Variants in ITGAM observed in about 807,000 individuals in gnomAD.
ITGAM encodes integrin alpha-M.
In ITGAM, 79 loss-of-function variants were observed where a neutral mutation model predicts 137.5. That is an observed-to-expected ratio of 0.57 (90% CI 0.48 to 0.69). ITGAM has a LOEUF of 0.69. ITGAM is among the 30% of genes least tolerant of loss of function. ITGAM has a pLI of 0.00. For missense variants in ITGAM, 1,343 were observed against 1,483.5 expected, an observed-to-expected ratio of 0.91 and a Z score of 1.56; for synonymous variants, 583 against 592.3, an observed-to-expected ratio of 0.98 and a Z score of 0.23.
chr16:31,262,354 T>TAG (rs2079712586), intron 2 of ITGAM, among the ~76,000 whole-genome samples: 1 of 113,396 alleles, frequency 8.8e-6, no homozygotes, highest in Non-Finnish European at 1.9e-5. Context: ...CTTCCTTCCT[T>TAG]CCTTCCTTCC....
intron 2 of ITGAM, among the ~76,000 whole-genome samples, chr16:31,264,912 G>A (rs1195745893): frequency 6.6e-6 from 1 of 152,060 alleles, no homozygotes; most frequent in Non-Finnish European, 1.5e-5. Context: ...CTGTCTCTCA[G>A]GCTGGAGTGC....
At position 31,330,152 on chromosome 16, in the gene ITGAM, G is replaced by T; in HGVS notation, c.3048G>T (p.Lys1016Asn). Reference protein sequence around the residue: ...SHSDFLAELRKAPVVNCSIAV... With the variant: ...SHSDFLAELRNAPVVNCSIAV... ...CCGACTTTCTGGCTGAGCTTCGGAA[G>T]GCCCCCGTGGTGGTGAGAAGCTAAG... The change falls in exon 26 of 30, where the codon AAG becomes AAT. Residue 1016 changes from lysine (K) to asparagine (N), a missense_variant. Physicochemically the swap from Lys to Asn is moderately conservative, Grantham distance 94 (BLOSUM62 0). Coordinates refer to ENST00000544665, the MANE Select transcript of ITGAM (RefSeq NM_000632.4). 6.2e-7 allele frequency: 1 copy of T among 1,613,432 alleles called. No individual in the cohort carries two copies. The highest frequency in any genetic ancestry group is 8.5e-7 in the Non-Finnish European group (1 of 1,179,664).
rs372647488 is a variant in ITGAM, at chr16:31,331,995, A to G, written c.*288A>G. 8.8e-5 allele frequency: 41 copies of G among 463,932 alleles called. No individual in the cohort carries two copies. Among genetic ancestry groups the G allele is most frequent in the East Asian group, 4.7e-4 (12 of 25,750 alleles). 28.7% of individuals were successfully genotyped at this position (463,932 alleles called of 1,614,324 possible). ...TGTGTGCGTGTGTCCATGTGTGTGC[A>G]AGTGTGTGCATGTGTGCGAGTGTGT... is the stretch of plus-strand genomic sequence containing the variant. On this transcript the variant is annotated 3_prime_UTR_variant, in exon 30 of 30. Coordinates refer to ENST00000544665, the MANE Select transcript of ITGAM (RefSeq NM_000632.4).
At chr16:31,328,588 CAT>C (rs1491554111) in intron 23 of ITGAM, among the ~76,000 whole-genome samples, 1 of 141,242 alleles carries the variant, frequency 7.1e-6, no homozygotes, top group Non-Finnish European at 1.5e-5. Context: ...TGTATTTGTG[CAT>C]GTGTGTGTGA....
chr16:31,302,918 C>CTCTTTCTTTCTTTCTTTCTTTCTTTCTT, intron 14 of ITGAM, among the ~76,000 whole-genome samples: 1 of 73,020 alleles, frequency 1.4e-5, no homozygotes, highest in Admixed American at 1.5e-4. Flanking sequence ...CTTTCCCTCC[C>CTCTTTCTTTCTTTCTTTCTTTCTTTCTT]TCTTTCTTTC....
intron 12 of ITGAM, 43 bp from the exon 13 acceptor site, chr16:31,297,471 T>C: frequency 6.2e-7 from 1 of 1,609,638 alleles, no homozygotes. Flanking sequence ...CACATCTGCT[T>C]TAGGTGGGAA....
At position 31,272,005 on chromosome 16, in the gene ITGAM, T is replaced by C. The variant is rs769320384; in HGVS notation, c.704+13T>C. On this transcript the variant is annotated intron_variant, in intron 7 of 29. Coordinates refer to ENST00000544665, the MANE Select transcript of ITGAM (RefSeq NM_000632.4). ...TCCGCAAAGTGGTGTAAGCTTCCCC[T>C]TTTCCCTTAGGATGGAGGGAGGAGG... 2 of 1,613,280 alleles carry C rather than the reference T, an allele frequency of 1.2e-6. No individual in the cohort carries two copies. Among genetic ancestry groups the C allele is most frequent in the South Asian group, 2.2e-5 (2 of 90,990 alleles).
At chr16:31,278,762 A>T (rs2079936956) in intron 12 of ITGAM, among the ~76,000 whole-genome samples, 3 of 152,136 alleles carry the variant, frequency 2.0e-5, no homozygotes, top group Admixed American at 1.3e-4. Flanking sequence ...TTATACTTTA[A>T]GTTCTAGGGT....
At chr16:31,285,572 G>T (rs994277658) in intron 12 of ITGAM, among the ~76,000 whole-genome samples, 1 of 152,182 alleles carries the variant, frequency 6.6e-6, no homozygotes, top group East Asian at 1.9e-4. Flanking sequence ...GGGAGGCAGA[G>T]GTTGCAGTGA....
chr16:31,304,027 A>AAT (rs2080241519), intron 14 of ITGAM, among the ~76,000 whole-genome samples: 1 of 152,084 alleles, frequency 6.6e-6, no homozygotes, highest in Admixed American at 6.6e-5. Flanking sequence ...TTAGTTATTT[A>AAT]AGGAATCTCC....
intron 5 of ITGAM, among the ~76,000 whole-genome samples, chr16:31,270,363 A>G (rs2079819330): frequency 6.6e-6 from 1 of 151,508 alleles, no homozygotes; most frequent in Admixed American, 6.6e-5. Context: ...CAGCCTCCCA[A>G]AGTGCTGGGA....
chr16:31,265,908 T>A (rs755601933), intron 4 of ITGAM, 27 bp downstream of exon 4: 52 of 1,611,304 alleles, frequency 3.2e-5, no homozygotes, highest in Non-Finnish European at 4.2e-5. Flanking sequence ...CAGAGGAGCA[T>A]CCTAATGGGG....
In ITGAM at chr16:31,324,430, G is replaced by T; in HGVS notation, c.2034G>T (p.Leu678=). The T allele has an allele frequency of 6.4e-7, 1 of 1,553,386 alleles. No homozygotes were observed. Among genetic ancestry groups the T allele is most frequent in the African/African-American group, 1.4e-5 (1 of 73,266 alleles). ...TCCAGAGTGTTGTGACTTATGACCT[G>T]GCTCTGGACTCCGGCCGCCCACATT... ...GQIQSVVTYD[L]ALDSGRPHSR... Residue 678 remains leucine (L), a synonymous_variant, in exon 17 of 30, where the codon CTG becomes CTT. Coordinates refer to ENST00000544665, the MANE Select transcript of ITGAM (RefSeq NM_000632.4). This position sits in a 1 kb window ranked among gnomAD's most constrained non-coding sequence, Gnocchi z 4.5.
chr16:31,287,990 A>AAAGTGGGACAGTCTG, intron 12 of ITGAM, among the ~76,000 whole-genome samples: 1 of 152,166 alleles, frequency 6.6e-6, no homozygotes, highest in East Asian at 1.9e-4. Context: ...ATAGATGCTT[A>AAAGTGGGACAGTCTG]AAGTGGGACA....
Position 31,324,347 on chromosome 16 carries a change from G to T in ITGAM, c.2003-52G>T. On this transcript the variant is annotated intron_variant, in intron 16 of 29. Coordinates refer to ENST00000544665, the MANE Select transcript of ITGAM (RefSeq NM_000632.4). The surrounding 1 kb of genome is among the most constrained non-coding windows in gnomAD (Gnocchi z 4.5). ...GGAGCTGGGCCTTGAACTCCCATCT[G>T]CCGGGTTCCGAGGCTCAGGCCCCTC... is the stretch of plus-strand genomic sequence containing the variant. 1.3e-6 allele frequency: 2 copies of T among 1,505,270 alleles called. No individual in the cohort carries two copies. Among genetic ancestry groups the T allele is most frequent in the Non-Finnish European group, 1.8e-6 (2 of 1,106,660 alleles). 93.2% of individuals were successfully genotyped at this position (1,505,270 alleles called of 1,614,324 possible). A position where few individuals can be genotyped will look rare whatever the true frequency, so the allele number is the denominator to read the frequency against.
intron 14 of ITGAM, among the ~76,000 whole-genome samples, chr16:31,303,190 G>A (rs954186485): frequency 2.0e-5 from 3 of 151,124 alleles, no homozygotes; most frequent in South Asian, 2.1e-4. Context: ...GCACCCCCAC[G>A]CTTGGCTAAT....
At chr16:31,277,200 CA>C (rs1317734967) in intron 11 of ITGAM, among the ~76,000 whole-genome samples, 151 bp downstream of exon 11, 3 of 151,884 alleles carry the variant, frequency 2.0e-5, no homozygotes, top group African/African-American at 7.3e-5. Flanking sequence ...ACAGAAACTT[CA>C]ATTTTTTTTT....
intron 5 of ITGAM, among the ~76,000 whole-genome samples, chr16:31,270,135 T>TCCTTCC (rs1567248295): frequency 1.7e-5 from 2 of 118,476 alleles, no homozygotes; most frequent in East Asian, 6.2e-4. Context: ...CCTTCCTCCT[T>TCCTTCC]TGCTTTCCTT....
In ITGAM at chr16:31,324,356, C is replaced by T. The variant is rs146493275; in HGVS notation, c.2003-43C>T. ...CCTTGAACTCCCATCTGCCGGGTTC[C>T]GAGGCTCAGGCCCCTCACTGCTGTG... On this transcript the variant is annotated intron_variant, in intron 16 of 29. Coordinates refer to ENST00000544665, the MANE Select transcript of ITGAM (RefSeq NM_000632.4). The surrounding 1 kb of genome is among the most constrained non-coding windows in gnomAD (Gnocchi z 4.5). The T allele has an allele frequency of 2.0e-4, 300 of 1,530,752 alleles. No individual in the cohort carries two copies. The African/African-American group carries it at 3.0e-3, about 15-fold the overall frequency. The allele number at this position is 1,530,752 out of a possible 1,614,324, so 94.8% of individuals were successfully genotyped here.
Sources: gnomAD v4.1 joint callset for allele counts (sites outside exome capture counted in the v4.1 genomes callset) on GRCh38, gnomAD v4.1.1 for gene constraint, Gnocchi (gnomAD v3.1) non-coding constraint, MANE v1.5 for transcripts, NCBI Gene and HGNC (gene_info 2026-07-23, HGNC 2026-07-21) for gene names.